The following TMEM208 variants were observed in gnomAD, a reference collection of about 807,000 sequenced individuals.
TMEM208 encodes transmembrane protein 208.
A neutral mutation model predicts 26.4 loss-of-function variants in TMEM208; 19 were observed. The ratio of observed to expected loss-of-function variants is 0.72; its 90% CI spans 0.50 to 1.06. The LOEUF (loss-of-function observed/expected upper bound fraction) is 1.06. Among genes scored for constraint, TMEM208 ranks in the 50% least tolerant of loss-of-function variants. The pLI, the probability that TMEM208 is intolerant of heterozygous loss-of-function variation, is 0.00. For missense variants in TMEM208, 183 were observed against 219.8 expected, an observed-to-expected ratio of 0.83 and a Z score of 1.06; for synonymous variants, 93 against 83.1, an observed-to-expected ratio of 1.12 and a Z score of -0.65.
At chr16:67,227,487 G>T in intron 1 of TMEM208, 1 of 563,924 alleles carries the variant, frequency 1.8e-6, no homozygotes. Flanking sequence ...TCGGGACTAC[G>T]CCAGCGGAGG....
rs2142249366 is a variant in TMEM208, at chr16:67,227,373, G to T, written c.6+149G>T. 3 of 1,203,568 alleles carry T rather than the reference G, an allele frequency of 2.5e-6. No individual in the cohort carries two copies. The East Asian group carries it at 7.1e-5, about 29-fold the overall frequency. The allele number at this position is 1,203,568 out of a possible 1,614,324, so 74.6% of individuals were successfully genotyped here. A position where few individuals can be genotyped will look rare whatever the true frequency, so the allele number is the denominator to read the frequency against. On this transcript the variant is annotated intron_variant, in intron 1 of 5. Coordinates refer to ENST00000304800, the MANE Select transcript of TMEM208 (RefSeq NM_014187.4). ...GACCGTGCTAGAGCTGGGCTGGGGG[G>T]ATGGCGGCGCAGGACCATACCAGGA...
In TMEM208 at chr16:67,229,177, A is replaced by AT; in HGVS notation, c.*65dup. The AT allele has an allele frequency of 6.6e-7, 1 of 1,504,520 alleles. No individual in the cohort carries two copies. The highest frequency in any genetic ancestry group is 8.9e-7 in the Non-Finnish European group (1 of 1,121,096). 93.2% of individuals were successfully genotyped at this position (1,504,520 alleles called of 1,614,324 possible). A position where few individuals can be genotyped will look rare whatever the true frequency, so the allele number is the denominator to read the frequency against. ...GCTCTGTCAGGGTGCACAGCCCCTC[A>AT]TGCCTGGAGCAATGAGGGTCTAGTC... On this transcript the variant is annotated 3_prime_UTR_variant, in exon 6 of 6. Coordinates refer to ENST00000304800, the MANE Select transcript of TMEM208 (RefSeq NM_014187.4).
chr16:67,227,342 T>C (rs1295431448), intron 1 of TMEM208, 118 bp downstream of exon 1: 4 of 1,419,360 alleles, frequency 2.8e-6, no homozygotes, highest in Non-Finnish European at 3.9e-6. Context: ...GCGCCATCCC[T>C]GGCCAGACCG....
chr16:67,228,479 C>T lies in TMEM208; in HGVS notation c.163-16C>T. ...GTCAGTGGCTGGCCTTTGATACCCT[C>T]ATTCTTGCTCTGCAGTTGGCCCTGG... On this transcript the variant is annotated splice_polypyrimidine_tract_variant and intron_variant, in intron 3 of 5. Transcript: ENST00000304800. 6.2e-7 allele frequency: 1 copy of T among 1,613,930 alleles called. No homozygotes were observed. Among genetic ancestry groups the T allele is most frequent in the Non-Finnish European group, 8.5e-7 (1 of 1,179,844 alleles).
Position 67,228,592 on chromosome 16 carries a change from A to G in TMEM208, c.260A>G (p.Asp87Gly), listed in dbSNP as rs1207320976. 1.2e-6 allele frequency: 2 copies of G among 1,600,184 alleles called. No individual in the cohort carries two copies. Among genetic ancestry groups the G allele is most frequent in the Non-Finnish European group, 1.7e-6 (2 of 1,171,916 alleles). The change falls in exon 4 of 6, where the codon GAT becomes GGT. Residue 87 changes from aspartate to glycine, a missense_variant. By Grantham distance (94) the Asp-to-Gly change is moderately conservative. Transcript: ENST00000304800. ...AAFSEDGALM[D>G]GGMDLNMEQG... ...TTCTCTGAGGATGGGGCCCTGATGGATGGTGGCATGGACCTCAACATGGAG... is the reference window on the plus strand; with the variant it reads ...TTCTCTGAGGATGGGGCCCTGATGGGTGGTGGCATGGACCTCAACATGGAG...
rs2034105410 is a variant in TMEM208, at chr16:67,228,344, ATTGC to A, written c.103-6_103-3del. The A allele has an allele frequency of 6.2e-7, 1 of 1,613,900 alleles. No individual in the cohort carries two copies. The highest frequency in any genetic ancestry group is 8.5e-7 in the Non-Finnish European group (1 of 1,179,864). The stretch of plus-strand genomic sequence containing the variant: ...CTTCTGACCCCAACCTGATCCTGTG[ATTGC>A]TTGCAGGCCATTTACTGCCTTGTGA... On this transcript the variant is annotated splice_region_variant and splice_polypyrimidine_tract_variant and intron_variant, in intron 2 of 5. Coordinates refer to ENST00000304800, the MANE Select transcript of TMEM208 (RefSeq NM_014187.4).
chr16:67,228,783 A>C lies in TMEM208; in HGVS notation c.300-14A>C. 3 of 1,607,528 alleles carry C rather than the reference A, an allele frequency of 1.9e-6. No homozygotes were observed. Among genetic ancestry groups the C allele is most frequent in the Non-Finnish European group, 2.5e-6 (3 of 1,177,278 alleles). ...GCCCATATGCTGTCTTTCCAGCTTT[A>C]TTTCTATCCACAGGCACCTTAAGGA... On this transcript the variant is annotated splice_polypyrimidine_tract_variant and intron_variant, in intron 4 of 5. Coordinates refer to ENST00000304800, the MANE Select transcript of TMEM208 (RefSeq NM_014187.4).
intron 5 of TMEM208, 46 bp from the exon 6 acceptor site, chr16:67,228,930 T>C (rs780516947): frequency 8.1e-6 from 13 of 1,611,584 alleles, no homozygotes; most frequent in Admixed American, 1.7e-5. Context: ...ACCCTCCCCA[T>C]CTTTTATTCC....
Position 67,227,956 on chromosome 16 carries a change from A to G in TMEM208, c.102+25A>G, listed in dbSNP as rs150389555. On this transcript the variant is annotated intron_variant, in intron 2 of 5. Coordinates refer to ENST00000304800, the MANE Select transcript of TMEM208 (RefSeq NM_014187.4). ...TGTAAGTGCCTACCTCCTTGCTTCT[A>G]TGCCCACTTATAGTCAGTTCCCTAG... 4.1e-5 allele frequency: 64 copies of G among 1,564,734 alleles called. No individual in the cohort carries two copies. In the East Asian group the frequency reaches 1.4e-3, roughly 35 times the overall value.
chr16:67,228,670 A>G, intron 4 of TMEM208, 39 bp downstream of exon 4: 1 of 1,542,644 alleles, frequency 6.5e-7, no homozygotes, highest in Non-Finnish European at 8.7e-7. Context: ...GAGCGGCCCC[A>G]GGGCTGGGGC....
At position 67,227,209 on chromosome 16, in the gene TMEM208, G is replaced by C. The variant is rs372843334; in HGVS notation, c.-10G>C. The stretch of plus-strand genomic sequence containing the variant: ...CCCGTGTTTCCCGGGCTGGGTATTT[G>C]CCTCGCACCATGGCGGTAAGGAGGA... On this transcript the variant is annotated 5_prime_UTR_variant, in exon 1 of 6. Coordinates refer to ENST00000304800, the MANE Select transcript of TMEM208 (RefSeq NM_014187.4). 2 of 1,612,330 alleles carry C rather than the reference G, an allele frequency of 1.2e-6. No homozygotes were observed. Among genetic ancestry groups the C allele is most frequent in the Non-Finnish European group, 8.5e-7 (1 of 1,178,888 alleles).
intron 2 of TMEM208, 96 bp downstream of exon 2, chr16:67,228,027 T>C: frequency 1.0e-6 from 1 of 972,174 alleles, no homozygotes; most frequent in Non-Finnish European, 1.5e-6. Flanking sequence ...GAAAAAGCTC[T>C]AGAAGAGAGC....
At chr16:67,227,373 GA>G in intron 1 of TMEM208, 149 bp downstream of exon 1, 1 of 1,203,566 alleles carries the variant, frequency 8.3e-7, no homozygotes, top group Non-Finnish European at 1.2e-6. Context: ...GGGCTGGGGG[GA>G]TGGCGGCGCA....
chr16:67,228,789 A>G lies in TMEM208; in HGVS notation c.300-8A>G. 2 of 1,609,582 alleles carry G rather than the reference A, an allele frequency of 1.2e-6. No homozygotes were observed. The highest frequency in any genetic ancestry group is 2.2e-5 in the East Asian group (1 of 44,834). The stretch of plus-strand genomic sequence containing the variant: ...ATGCTGTCTTTCCAGCTTTATTTCT[A>G]TCCACAGGCACCTTAAGGATGTGAT... On this transcript the variant is annotated splice_region_variant and splice_polypyrimidine_tract_variant and intron_variant, in intron 4 of 5. Coordinates refer to ENST00000304800, the MANE Select transcript of TMEM208 (RefSeq NM_014187.4).
chr16:67,228,494 G>A lies in TMEM208; in HGVS notation c.163-1G>A. On this transcript the variant is annotated splice_acceptor_variant, in intron 3 of 5. Transcript: ENST00000304800. LOFTEE classifies it high-confidence loss of function. ...TTGATACCCTCATTCTTGCTCTGCAGTTGGCCCTGGGCTTTAGTCTGGCAG... is the reference window on the plus strand; with the variant it reads ...TTGATACCCTCATTCTTGCTCTGCAATTGGCCCTGGGCTTTAGTCTGGCAG... 1.2e-6 allele frequency: 2 copies of A among 1,613,874 alleles called. No individual in the cohort carries two copies. Among genetic ancestry groups the A allele is most frequent in the Non-Finnish European group, 1.7e-6 (2 of 1,179,804 alleles).
At position 67,229,006 on chromosome 16, in the gene TMEM208, G is replaced by T. The variant is rs766197117; in HGVS notation, c.415G>T (p.Val139Leu). Residue 139 changes from valine (V) to leucine (L), a missense_variant, in exon 6 of 6, where the codon GTG (valine) becomes TTG (leucine). Transcript: ENST00000304800. ...AGGCCGGGCCCTTTACCTCCTGTGG[G>T]TGAATGTGCTGGGCCCCTGGTTCAC... ...APGRALYLLW[V>L]NVLGPWFTAD... The T allele has an allele frequency of 1.9e-5, 31 of 1,610,260 alleles. No individual in the cohort carries two copies. Among genetic ancestry groups the T allele is most frequent in the South Asian group, 1.8e-4 (16 of 90,986 alleles).
intron 2 of TMEM208, 183 bp from the exon 3 acceptor site, chr16:67,228,172 G>A: frequency 1.4e-6 from 1 of 707,594 alleles, no homozygotes; most frequent in Non-Finnish European, 2.4e-6. Context: ...CTTCTTTCCT[G>A]GGCTGAGTTG....
chr16:67,227,967 T>C (rs376614428), intron 2 of TMEM208, 36 bp downstream of exon 2: 4 of 1,533,724 alleles, frequency 2.6e-6, no homozygotes, highest in Non-Finnish European at 3.6e-6. Flanking sequence ...TGCCCACTTA[T>C]AGTCAGTTCC....
In TMEM208 at chr16:67,227,224, G is replaced by T. The variant is rs1224404519; in HGVS notation, c.6G>T (p.Ala2=). The change falls in exon 1 of 6, where the codon GCG becomes GCT. Residue 2 remains alanine, a splice_region_variant and synonymous_variant. Transcript: ENST00000304800. ...CTGGGTATTTGCCTCGCACCATGGC[G>T]GTAAGGAGGATGGATAGGGCGGGGT... The part of the protein sequence containing the change: M[A]PKGKVGTRGK... 3 of 1,612,178 alleles carry T rather than the reference G, an allele frequency of 1.9e-6. No homozygotes were observed. Among genetic ancestry groups the T allele is most frequent in the East Asian group, 2.2e-5 (1 of 44,860 alleles).
Sources: gnomAD v4.1 joint callset for allele counts on GRCh38, gnomAD v4.1.1 for gene constraint, MANE v1.5 for transcripts, NCBI Gene and HGNC (gene_info 2026-07-23, HGNC 2026-07-21) for gene names.